The following SMARCD1 variants were observed in gnomAD, a reference collection of about 807,000 sequenced individuals.
SMARCD1 encodes the protein SWI/SNF-related matrix-associated actin-dependent regulator of chromatin subfamily D member 1.
SMARCD1 carries 16 observed loss-of-function variants against 70.8 expected under a neutral mutation model. The observed-to-expected ratio is 0.23, with a 90% CI of 0.15 to 0.34. The LOEUF (loss-of-function observed/expected upper bound fraction) is 0.34. Ranked by LOEUF, SMARCD1 falls within the 10% of genes least tolerant of loss-of-function variation. The pLI is 1.00. For synonymous variants in SMARCD1, 249 were observed against 246.0 expected (o/e 1.01, Z -0.11); for missense variants, 409 against 655.5 (o/e 0.62, Z 4.11).
chr12:50,086,648 A>T lies in SMARCD1; in HGVS notation c.393A>T (p.Lys131Asn), dbSNP rs773197299. ...HNAKKKKMAD[K>N]ILPQRIRELV... is the part of the protein sequence containing the mutation. ...CAAAGAAAAAGAAGATGGCTGACAA[A>T]ATTCTACCTCAAAGGGTGAGTCCAG... The change falls in exon 3 of 13, where the codon AAA (lysine) becomes AAT (asparagine). Residue 131 changes from lysine to asparagine, a missense_variant. Lys to Asn is a moderately conservative substitution (Grantham distance 94, BLOSUM62 0). Coordinates refer to ENST00000394963, the MANE Select transcript of SMARCD1 (RefSeq NM_003076.5). 6.2e-7 allele frequency: 1 copy of T among 1,614,134 alleles called. No individual in the cohort carries two copies. The highest frequency in any genetic ancestry group is 1.1e-5 in the South Asian group (1 of 91,078).
At chr12:50,089,710 A>T (rs1485323949) in intron 6 of SMARCD1, among the ~76,000 whole-genome samples, 174 bp from the exon 7 acceptor site, 1 of 152,266 alleles carries the variant, frequency 6.6e-6, no homozygotes, top group Admixed American at 6.5e-5. Context: ...TAATCTACTT[A>T]TACACAGACA....
At position 50,086,352 on chromosome 12, in the gene SMARCD1, A is replaced by G; in HGVS notation, c.365+4A>G. ...CGGTCCAAAATCGAAACCACAAGTA[A>G]GATGATCCTGGGGCAGAGGGAGGGA... On this transcript the variant is annotated splice_donor_region_variant and intron_variant, in intron 2 of 12. Coordinates refer to ENST00000394963, the MANE Select transcript of SMARCD1 (RefSeq NM_003076.5). The G allele has an allele frequency of 3.2e-6, 3 of 938,552 alleles. No individual in the cohort carries two copies. The highest frequency in any genetic ancestry group is 4.7e-6 in the Non-Finnish European group (3 of 635,666). 58.1% of individuals were successfully genotyped at this position (938,552 alleles called of 1,614,324 possible).
chr12:50,098,050 CAAG>C (rs1950908591), intron 11 of SMARCD1, among the ~76,000 whole-genome samples: 2 of 152,104 alleles, frequency 1.3e-5, no homozygotes, highest in South Asian at 2.1e-4. Flanking sequence ...TAAGCTCAGA[CAAG>C]AAGATAGGAA....
chr12:50,098,092 T>C (rs942256950), intron 11 of SMARCD1, among the ~76,000 whole-genome samples: 1 of 152,070 alleles, frequency 6.6e-6, no homozygotes, highest in African/African-American at 2.4e-5. Flanking sequence ...TCATCCGTTG[T>C]CACCCCTCCT....
intron 9 of SMARCD1, 143 bp downstream of exon 9, chr12:50,090,733 A>G (rs1950834029): frequency 1.8e-6 from 1 of 554,702 alleles, no homozygotes; most frequent in African/African-American, 1.9e-5. Flanking sequence ...AATTACATAA[A>G]CTTATAATTA....
rs779777533 is a variant in SMARCD1 at position 50,098,788 on chromosome 12, G to A, written c.1467G>A (p.Glu489=). The part of the protein sequence containing the change: ...AEFYFQPWAQ[E]AVCRYFYSKV... Reference sequence around the variant, plus strand: ...TCTACTTCCAGCCCTGGGCTCAGGAGGCTGTGTGCCGATACTTCTACTCCA... The same window carrying A: ...TCTACTTCCAGCCCTGGGCTCAGGAAGCTGTGTGCCGATACTTCTACTCCA... Residue 489 remains glutamate (E), a synonymous_variant, in exon 12 of 13, where the codon GAG becomes GAA. Transcript: ENST00000394963. The A allele has an allele frequency of 1.5e-5, 24 of 1,613,998 alleles. No individual in the cohort carries two copies. In the East Asian group the frequency reaches 3.3e-4, roughly 22 times the overall value.
chr12:50,094,339 A>G lies in SMARCD1; in HGVS notation c.1134-98A>G, dbSNP rs192790250. ...AAAGTTCTCGGGCCCTTTTACAGTT[A>G]GCCCCTTTTCTCTTCATCCTGGGTC... is the stretch of plus-strand genomic sequence containing the variant. On this transcript the variant is annotated intron_variant, in intron 9 of 12. Transcript: ENST00000394963. 312 of 1,205,340 alleles carry G rather than the reference A, an allele frequency of 2.6e-4. No homozygotes were observed. In the African/African-American group the frequency reaches 3.7e-3, roughly 14 times the overall value. The allele number at this position is 1,205,340 out of a possible 1,614,324, so 74.7% of individuals were successfully genotyped here.
At chr12:50,087,620 C>T (rs1261983773) in intron 5 of SMARCD1, 135 bp downstream of exon 5, 1 of 1,048,496 alleles carries the variant, frequency 9.5e-7, no homozygotes, top group East Asian at 2.6e-5. Context: ...ACACTGTTCC[C>T]TGCACTGAAA....
At position 50,090,359 on chromosome 12, in the gene SMARCD1, C is replaced by G; in HGVS notation, c.992C>G (p.Pro331Arg). 6.2e-7 allele frequency: 1 copy of G among 1,614,098 alleles called. No homozygotes were observed. The highest frequency in any genetic ancestry group is 8.5e-7 in the Non-Finnish European group (1 of 1,180,014). ...ATTAAGACACATAAGCTCCAGGACCCTCACGAGCGGGAGTTTGTCATCTGT... is the reference window on the plus strand; with the variant it reads ...ATTAAGACACATAAGCTCCAGGACCGTCACGAGCGGGAGTTTGTCATCTGT... ...QYIKTHKLQD[P>R]HEREFVICDK... The change falls in exon 8 of 13, where the codon CCT becomes CGT. Residue 331 changes from proline to arginine, a missense_variant. Physicochemically the swap from Pro to Arg is moderately radical, Grantham distance 103. Transcript: ENST00000394963.
chr12:50,100,375 G>C lies in SMARCD1; in HGVS notation c.*1375G>C, dbSNP rs983837419. On this transcript the variant is annotated 3_prime_UTR_variant, in exon 13 of 13. Transcript: ENST00000394963. ...CACCCCCACCCCCAAATCCCTCCCT[G>C]TTCTACACTGGGGACAGCAGAATTT... 1 of 122,120 alleles carries C rather than the reference G, an allele frequency of 8.2e-6. No homozygotes were observed. Among genetic ancestry groups the C allele is most frequent in the East Asian group, 2.2e-4 (1 of 4,458 alleles). 7.6% of individuals were successfully genotyped at this position (122,120 alleles called of 1,614,324 possible).
In SMARCD1 at chr12:50,085,555, G is replaced by C. The variant is rs1375399355; in HGVS notation, c.177+9G>C. The C allele has an allele frequency of 4.1e-6, 5 of 1,231,840 alleles. No homozygotes were observed. In the African/African-American group the frequency reaches 7.8e-5, roughly 19 times the overall value. 76.3% of individuals were successfully genotyped at this position (1,231,840 alleles called of 1,614,324 possible). A position where few individuals can be genotyped will look rare whatever the true frequency, so the allele number is the denominator to read the frequency against. On this transcript the variant is annotated intron_variant, in intron 1 of 12. Coordinates refer to ENST00000394963, the MANE Select transcript of SMARCD1 (RefSeq NM_003076.5). ...CCGGAGCGGCCTATCCGGTGAGTGG[G>C]GCAGGAGGAGGGGCGCGCGGGCCGG... is the stretch of plus-strand genomic sequence containing the variant.
intron 9 of SMARCD1, 142 bp from the exon 10 acceptor site, chr12:50,094,295 A>G: frequency 1.3e-6 from 1 of 747,722 alleles, no homozygotes; most frequent in Non-Finnish European, 2.2e-6. Context: ...TAAAGTGTAG[A>G]ACATTTCTGT....
chr12:50,098,491 G>A, intron 11 of SMARCD1: 1 of 559,308 alleles, frequency 1.8e-6, no homozygotes, highest in South Asian at 2.2e-5. Flanking sequence ...CTCTTTATAA[G>A]GGAACCTACC....
At chr12:50,093,174 T>TA (rs571325943) in intron 9 of SMARCD1, among the ~76,000 whole-genome samples, 42 of 143,078 alleles carry the variant, frequency 2.9e-4, no homozygotes, top group Admixed American at 3.5e-4. Context: ...AGACTCCATC[T>TA]AAAAAAAAAA....
Position 50,094,428 on chromosome 12 carries a change from C to T in SMARCD1, c.1134-9C>T. On this transcript the variant is annotated splice_polypyrimidine_tract_variant and intron_variant, in intron 9 of 12. Transcript: ENST00000394963. ...GCTCTTTACCAGGCTCCTTTGGTTTCCTGTCCAGTGTTGACCCGAATGATC... is the reference window on the plus strand; with the variant it reads ...GCTCTTTACCAGGCTCCTTTGGTTTTCTGTCCAGTGTTGACCCGAATGATC... 1 of 1,612,172 alleles carries T rather than the reference C, an allele frequency of 6.2e-7. No homozygotes were observed. The highest frequency in any genetic ancestry group is 1.3e-5 in the African/African-American group (1 of 74,872).
At chr12:50,089,859 C>T (rs1475695857) in intron 6 of SMARCD1, 25 bp from the exon 7 acceptor site, 9 of 1,553,778 alleles carry the variant, frequency 5.8e-6, no homozygotes, top group Non-Finnish European at 8.0e-6. Flanking sequence ...TGGGAGAGCA[C>T]CCCCTGACAT....
chr12:50,087,783 T>C (rs1565738461), intron 5 of SMARCD1, among the ~76,000 whole-genome samples: 1 of 152,170 alleles, frequency 6.6e-6, no homozygotes, highest in Admixed American at 6.5e-5. Context: ...TTTAGTTTTT[T>C]TTTTTTAATC....
intron 9 of SMARCD1, among the ~76,000 whole-genome samples, chr12:50,094,159 T>C (rs1950871642): frequency 6.6e-6 from 1 of 152,204 alleles, no homozygotes; most frequent in Non-Finnish European, 1.5e-5. Flanking sequence ...ACTGCTTGAA[T>C]TTTTACCATT....
intron 5 of SMARCD1, among the ~76,000 whole-genome samples, 155 bp downstream of exon 5, chr12:50,087,640 C>G (rs1488042766): frequency 1.3e-5 from 2 of 152,104 alleles, no homozygotes; most frequent in African/African-American, 2.4e-5. Context: ...AGACAGTGGT[C>G]CTTTGTGTTT....
Sources: allele counts gnomAD v4.1 joint callset (sites outside exome capture counted in the v4.1 genomes callset), GRCh38; gene constraint gnomAD v4.1.1; transcripts MANE v1.5; gene names NCBI Gene and HGNC (gene_info 2026-07-23, HGNC 2026-07-21).